Variants in SPRR1A observed in about 807,000 individuals in gnomAD.
SPRR1A encodes the protein small proline rich protein 1A.
For missense variants in SPRR1A, 123 were observed against 105.4 expected (o/e 1.17, Z -0.73); for synonymous variants, 40 against 39.2 (o/e 1.02, Z -0.07).
At chr1:152,985,216 A>G (rs772645289), upstream of SPRR1A, 32 of 1,580,710 alleles carry the variant, frequency 2.0e-5, no homozygotes, top group Non-Finnish European at 2.7e-5. Context: ...CTCTAGAAAA[A>G]AACACATTTG....
downstream of SPRR1A, chr1:152,985,651 G>A (rs1652294890): frequency 1.5e-6 from 2 of 1,369,614 alleles, no homozygotes; most frequent in Admixed American, 2.8e-5. Context: ...CTAAAAAGAT[G>A]TCCCTTACCC....
chr1:152,985,449 C>T, exon 1 of SPRR1A: 1 of 1,613,936 alleles, frequency 6.2e-7, no homozygotes, highest in Non-Finnish European at 8.5e-7. Flanking sequence ...CTGAGCCCTG[C>T]CCTTCAACGG....
chr1:152,984,632 G>A (rs941500805), upstream of SPRR1A, among the ~76,000 whole-genome samples: 6 of 152,206 alleles, frequency 3.9e-5, no homozygotes, highest in South Asian at 2.1e-4. Flanking sequence ...TTGGCATGAC[G>A]GAGATGGGCA....
At position 152,985,301 on chromosome 1, in the gene SPRR1A, C is replaced by G. The variant is rs558354017; in HGVS notation, c.71C>G (p.Pro24Arg). The G allele has an allele frequency of 5.0e-6, 8 of 1,613,934 alleles. No homozygotes were observed. In the South Asian group the frequency reaches 7.7e-5, roughly 16 times the overall value. The change falls in exon 1 of 1, where the codon CCT (proline) becomes CGT (arginine). Residue 24 changes from proline (P) to arginine (R), a missense_variant. Physicochemically the swap from Pro to Arg is moderately radical, Grantham distance 103. Transcript: ENST00000368762. ...CCTCAGCAGCAGCAGGTGAAACAAC[C>G]TTGCCAGCCTCCACCCCAGGAACCA...
At chr1:152,985,604 T>C, downstream of SPRR1A, 4 of 1,508,722 alleles carry the variant, frequency 2.7e-6, no homozygotes, top group Non-Finnish European at 3.6e-6. Context: ...GCAGTTAGCA[T>C]GCTGTCACCC....
upstream of SPRR1A, chr1:152,985,194 T>C: frequency 4.5e-6 from 7 of 1,558,678 alleles, no homozygotes; most frequent in Non-Finnish European, 6.1e-6. Context: ...AATCACTGTG[T>C]CAGCTTTCTG....
downstream of SPRR1A, among the ~76,000 whole-genome samples, chr1:152,985,814 A>G (rs1223713121): frequency 6.6e-6 from 1 of 152,190 alleles, no homozygotes. Flanking sequence ...TTTTAACTCC[A>G]CATCTGGCTG....
chr1:152,985,737 G>A (rs142859477), downstream of SPRR1A, among the ~76,000 whole-genome samples: 234 of 152,278 alleles, frequency 1.5e-3, 2 homozygotes, highest in African/African-American at 5.3e-3. Context: ...TGTTGCTCGG[G>A]TGCATTTGAG....
At chr1:152,985,451 C>T (rs747289089) in exon 1 of SPRR1A, 2 of 1,613,814 alleles carry the variant, frequency 1.2e-6, no homozygotes, top group African/African-American at 2.7e-5. Flanking sequence ...GAGCCCTGCC[C>T]TTCAACGGTC....
chr1:152,985,108 G>T, upstream of SPRR1A: 1 of 1,368,934 alleles, frequency 7.3e-7, no homozygotes, highest in Non-Finnish European at 9.9e-7. Context: ...TAAGGGAGAT[G>T]AAAGGCTTTC....
At chr1:152,984,849 A>G (rs1404169675), upstream of SPRR1A, among the ~76,000 whole-genome samples, 1 of 152,212 alleles carries the variant, frequency 6.6e-6, no homozygotes, top group African/African-American at 2.4e-5. Flanking sequence ...GGCTTTCTAC[A>G]TGGTACTAGG....
downstream of SPRR1A, chr1:152,985,652 T>A: frequency 2.2e-6 from 3 of 1,349,968 alleles, no homozygotes; most frequent in Non-Finnish European, 3.0e-6. Flanking sequence ...TAAAAAGATG[T>A]CCCTTACCCT....
At chr1:152,984,210 G>A (rs892181473), upstream of SPRR1A, among the ~76,000 whole-genome samples, 6 of 152,162 alleles carry the variant, frequency 3.9e-5, no homozygotes, top group East Asian at 1.9e-4. Flanking sequence ...TGTGTAAGCA[G>A]GTTAATCCAG....
At chr1:152,984,651 C>A (rs1425127818), upstream of SPRR1A, among the ~76,000 whole-genome samples, 2 of 151,950 alleles carry the variant, frequency 1.3e-5, no homozygotes, top group African/African-American at 2.4e-5. Flanking sequence ...CAGAGAAGGG[C>A]TGTGCACTTT....
chr1:152,984,548 T>C (rs1652250820), upstream of SPRR1A, among the ~76,000 whole-genome samples: 1 of 152,198 alleles, frequency 6.6e-6, no homozygotes, highest in African/African-American at 2.4e-5. Context: ...CTAACGTACT[T>C]ACTTAACAAA....
chr1:152,985,732 C>T (rs1652299011), downstream of SPRR1A, among the ~76,000 whole-genome samples: 1 of 152,178 alleles, frequency 6.6e-6, no homozygotes, highest in South Asian at 2.1e-4. Flanking sequence ...CTTCTTGTTG[C>T]TCGGGTGCAT....
chr1:152,984,452 T>C (rs1418640138), upstream of SPRR1A, among the ~76,000 whole-genome samples: 8 of 152,116 alleles, frequency 5.3e-5, no homozygotes, highest in Non-Finnish European at 1.0e-4. Flanking sequence ...AAGATATTTA[T>C]AGAAATTTTA....
At chr1:152,984,910 CA>C (rs1652260996), upstream of SPRR1A, among the ~76,000 whole-genome samples, 1 of 152,156 alleles carries the variant, frequency 6.6e-6, no homozygotes, top group African/African-American at 2.4e-5. Context: ...ATGCGGACCT[CA>C]TGTCCCTCAG....
At chr1:152,984,970 G>A (rs1652263735), upstream of SPRR1A, among the ~76,000 whole-genome samples, 1 of 152,178 alleles carries the variant, frequency 6.6e-6, no homozygotes, top group African/African-American at 2.4e-5. Flanking sequence ...AAGTTGCCTT[G>A]GGTAGGAAGG....
Sources: gnomAD v4.1 joint callset for allele counts (sites outside exome capture counted in the v4.1 genomes callset) on GRCh38, gnomAD v4.1.1 for gene constraint, MANE v1.5 for transcripts, NCBI Gene and HGNC (gene_info 2026-07-23, HGNC 2026-07-21) for gene names.